Variants in STK32A observed in about 807,000 individuals in gnomAD.
STK32A encodes the protein serine/threonine-protein kinase 32A.
A neutral mutation model predicts 53.2 loss-of-function variants in STK32A; 41 were observed. The ratio of observed to expected loss-of-function variants is 0.77; its 90% confidence interval spans 0.60 to 1.00. The LOEUF (loss-of-function observed/expected upper bound fraction) is 1.00, where lower values mean the gene tolerates loss of function less well. Among genes scored for constraint, STK32A ranks in the 50% least tolerant of loss-of-function variants. The probability of loss-of-function intolerance (pLI) is 0.00; values close to 1 mark genes in which losing one functional copy is unlikely to be tolerated. For missense variants in STK32A, 458 were observed against 485.8 expected (o/e 0.94, Z 0.54); for synonymous variants, 166 against 162.8 (o/e 1.02, Z -0.15).
Position 147,248,188 on chromosome 5 carries a change from G to T in STK32A, c.52+8502G>T, listed in dbSNP as rs191543782. On this transcript the variant is annotated intron_variant, in intron 2 of 12. Transcript: ENST00000397936. ...CATGAGCTATACAAAAATAGATAGT[G>T]AGTTAGATTTGGCCCATGGGGCTTA... Among the ~76,000 whole-genome samples, 5 of 151,770 alleles carry T rather than the reference G, an allele frequency of 3.3e-5. No individual in the cohort carries two copies. In the East Asian group the frequency reaches 9.7e-4, roughly 29 times the overall value.
chr5:147,298,350 C>A (rs563957465), intron 4 of STK32A, among the ~76,000 whole-genome samples: 1 of 152,210 alleles, frequency 6.6e-6, no homozygotes, highest in Non-Finnish European at 1.5e-5. Flanking sequence ...CTTGTAGGTA[C>A]TATTGGAAGT....
rs138955490 is a variant in STK32A, at chr5:147,295,140, TTTTG to T, written c.260+15746_260+15749del. On this transcript the variant is annotated intron_variant, in intron 4 of 12. Transcript: ENST00000397936. ...TTTTATAAAGTTGTTTCCTCAATTA[TTTTG>T]TTTATTAACAGATCTAAATATATTT... Among the ~76,000 whole-genome samples the T allele has an allele frequency of 5.4e-4, 83 of 152,358 alleles. 1 individual carries two copies. In the East Asian group the frequency reaches 0.013, roughly 24 times the overall value.
intron 2 of STK32A, among the ~76,000 whole-genome samples, chr5:147,259,066 C>A (rs1754370888): frequency 6.6e-6 from 1 of 152,058 alleles, no homozygotes; most frequent in South Asian, 2.1e-4. Context: ...CTCATTGTGT[C>A]TTTTTCCCTC....
intron 8 of STK32A, among the ~76,000 whole-genome samples, chr5:147,362,793 C>G (rs1353868705): frequency 6.6e-6 from 1 of 152,186 alleles, no homozygotes. Context: ...CCTATAAAAG[C>G]AGACAAGTGG....
chr5:147,329,643 G>A (rs184956315), intron 5 of STK32A, among the ~76,000 whole-genome samples: 100 of 151,376 alleles, frequency 6.6e-4, no homozygotes, highest in Non-Finnish European at 1.1e-3. Context: ...GCACGTGCAC[G>A]CACGCACACA....
intron 4 of STK32A, among the ~76,000 whole-genome samples, chr5:147,305,390 C>T (rs1561706947): frequency 6.6e-6 from 1 of 152,122 alleles, no homozygotes; most frequent in African/African-American, 2.4e-5. Context: ...TCCCTCAGTG[C>T]GCAAGTGGGC....
intron 2 of STK32A, among the ~76,000 whole-genome samples, chr5:147,260,262 TCCCTCTCCC>T: frequency 7.6e-6 from 1 of 132,108 alleles, no homozygotes; most frequent in African/African-American, 2.9e-5. Context: ...CTCCTCTCTC[TCCCTCTCCC>T]CTCTCTGTCT....
Position 147,265,138 on chromosome 5 carries a change from AT to A in STK32A, c.53-12981del, listed in dbSNP as rs200416532. On this transcript the variant is annotated intron_variant, in intron 2 of 12. Coordinates refer to ENST00000397936, the MANE Select transcript of STK32A (RefSeq NM_001112724.2). ...TACAATTATATATACAATTTTATAT[AT>A]TTTTATATATATTTATATATATACT... 7.2e-4 allele frequency among the ~76,000 whole-genome samples: 92 copies of A among 127,972 alleles called. 1 individual carries two copies. In the South Asian group the frequency reaches 0.013, roughly 19 times the overall value. The allele number at this position is 127,972 out of a possible 152,430, so 84.0% of individuals were successfully genotyped here. A position where few individuals can be genotyped will look rare whatever the true frequency, so the allele number is the denominator to read the frequency against.
chr5:147,370,580 T>C (rs939200258), intron 8 of STK32A, 74 bp from the exon 9 acceptor site: 2 of 914,240 alleles, frequency 2.2e-6, no homozygotes, highest in African/African-American at 3.3e-5. Flanking sequence ...AAAGTTTAGC[T>C]TGGAAACATT....
intron 2 of STK32A, among the ~76,000 whole-genome samples, chr5:147,249,729 A>C (rs987851538): frequency 6.6e-6 from 1 of 151,914 alleles, no homozygotes; most frequent in African/African-American, 2.4e-5. Context: ...CCTGGCCAAC[A>C]TGGTGAAACC....
intron 4 of STK32A, among the ~76,000 whole-genome samples, chr5:147,281,729 A>G (rs1021808179): frequency 1.3e-5 from 2 of 152,176 alleles, no homozygotes; most frequent in African/African-American, 4.8e-5. Flanking sequence ...CTAGAAATCT[A>G]GACATCCAAA....
intron 2 of STK32A, among the ~76,000 whole-genome samples, chr5:147,258,817 A>G (rs1370318286): frequency 3.3e-5 from 5 of 152,060 alleles, no homozygotes; most frequent in African/African-American, 7.2e-5. Flanking sequence ...AGCTAAATTT[A>G]CTTTTGTTGA....
intron 2 of STK32A, among the ~76,000 whole-genome samples, chr5:147,254,676 T>G (rs914646271): frequency 1.3e-5 from 2 of 152,160 alleles, no homozygotes; most frequent in Non-Finnish European, 2.9e-5. Flanking sequence ...CCACACAGGC[T>G]AACCTAATTC....
chr5:147,266,695 A>C (rs756054439), intron 2 of STK32A, among the ~76,000 whole-genome samples: 2 of 152,140 alleles, frequency 1.3e-5, no homozygotes, highest in Non-Finnish European at 2.9e-5. Flanking sequence ...GTCCTGTGTG[A>C]AGTCCTAACA....
At chr5:147,314,806 A>G (rs1163007445) in intron 4 of STK32A, among the ~76,000 whole-genome samples, 1 of 148,748 alleles carries the variant, frequency 6.7e-6, no homozygotes, top group Non-Finnish European at 1.5e-5. Context: ...GTGTGTGATC[A>G]TGAAAATGGC....
In STK32A at chr5:147,386,189, A is replaced by G. The variant is rs1757637140; in HGVS notation, c.*2206A>G. The G allele has an allele frequency of 6.6e-6, 1 of 152,090 alleles. No homozygotes were observed. Among genetic ancestry groups the G allele is most frequent in the South Asian group, 2.1e-4 (1 of 4,812 alleles). 9.4% of individuals were successfully genotyped at this position (152,090 alleles called of 1,614,324 possible). The stretch of plus-strand genomic sequence containing the variant: ...AGTTCCCACATCATTTGTCTGTGCT[A>G]TTCTGTTTTTCTCCAAACACTATAA... On this transcript the variant is annotated 3_prime_UTR_variant, in exon 13 of 13. Coordinates refer to ENST00000397936, the MANE Select transcript of STK32A (RefSeq NM_001112724.2).
rs116347695 is a variant in STK32A at position 147,374,997 on chromosome 5, G to A, written c.904-93G>A. 481 of 1,222,704 alleles carry A rather than the reference G, an allele frequency of 3.9e-4. 3 individuals are homozygous for A. In the African/African-American group the frequency reaches 6.6e-3, roughly 17 times the overall value. 75.7% of individuals were successfully genotyped at this position (1,222,704 alleles called of 1,614,324 possible). ...CAGTGTATTATTCATGGACTGCTCC[G>A]TTAAGACTAAGTATTATTTTCCGTA... On this transcript the variant is annotated intron_variant, in intron 10 of 12. Transcript: ENST00000397936.
chr5:147,337,864 T>C (rs777340960), intron 5 of STK32A, among the ~76,000 whole-genome samples: 1 of 152,048 alleles, frequency 6.6e-6, no homozygotes, highest in Non-Finnish European at 1.5e-5. Context: ...AGTTTGGAAA[T>C]TGTATTGAAT....
chr5:147,334,282 C>T (rs1755010047), intron 5 of STK32A, among the ~76,000 whole-genome samples: 2 of 152,182 alleles, frequency 1.3e-5, no homozygotes, highest in Admixed American at 6.5e-5. Context: ...AAGTTCTTCT[C>T]TTGATTTACA....
Sources: allele counts gnomAD v4.1 joint callset (sites outside exome capture counted in the v4.1 genomes callset), GRCh38; gene constraint gnomAD v4.1.1; transcripts MANE v1.5; gene names NCBI Gene and HGNC (gene_info 2026-07-23, HGNC 2026-07-21).